HMBOX1: variants seen among roughly 807,000 people sequenced by gnomAD.
The protein encoded by HMBOX1 is homeobox-containing protein 1.
Under a neutral mutation model 54.5 loss-of-function variants are expected in HMBOX1, and 14 were observed. The ratio of observed to expected loss-of-function variants is 0.26; its 90% confidence interval spans 0.17 to 0.40. The LOEUF is 0.40. HMBOX1 is among the 10% of genes least tolerant of loss of function. The probability of loss-of-function intolerance (pLI) is 1.00; values close to 1 mark genes in which losing one functional copy is unlikely to be tolerated. For missense variants in HMBOX1, 332 were observed against 514.4 expected, an observed-to-expected ratio of 0.65 and a Z score of 3.43; for synonymous variants, 160 against 181.0, an observed-to-expected ratio of 0.88 and a Z score of 0.93.
In HMBOX1 at chr8:28,938,644, C is replaced by A. The variant is rs1820805152; in HGVS notation, c.-57-25167C>A. On this transcript the variant is annotated intron_variant, in intron 1 of 9. Coordinates refer to ENST00000287701, the MANE Select transcript of HMBOX1 (RefSeq NM_001135726.3). ...TTTTTTTTTGGTAGAGACAGGGTCT[C>A]GCTATGTTGCTCCAGCTGGTCTTGA... Among the ~76,000 whole-genome samples the A allele has an allele frequency of 2.0e-5, 3 of 151,196 alleles. No individual in the cohort carries two copies. In the South Asian group the frequency reaches 6.3e-4, roughly 32 times the overall value.
intron 4 of HMBOX1, among the ~76,000 whole-genome samples, chr8:29,001,350 G>T (rs1832610465): frequency 6.6e-6 from 1 of 152,166 alleles, no homozygotes; most frequent in Non-Finnish European, 1.5e-5. Context: ...AGGAGTTCAA[G>T]ATCAGCCTGG....
chr8:28,894,030 T>A (rs1250676961), intron 1 of HMBOX1, among the ~76,000 whole-genome samples: 4 of 152,222 alleles, frequency 2.6e-5, no homozygotes, highest in African/African-American at 7.2e-5. Flanking sequence ...TGAACATTTA[T>A]AGATAAACCG....
chr8:28,924,010 A>G (rs1817981194), intron 1 of HMBOX1, among the ~76,000 whole-genome samples: 1 of 151,794 alleles, frequency 6.6e-6, no homozygotes, highest in South Asian at 2.1e-4. Context: ...TATTTTGGAT[A>G]ATCTCGTCTC....
At chr8:29,041,595 G>A (rs1310234800) in intron 6 of HMBOX1, among the ~76,000 whole-genome samples, 1 of 152,108 alleles carries the variant, frequency 6.6e-6, no homozygotes. Flanking sequence ...GAAGTGCGGT[G>A]GGATTCATAG....
At chr8:28,996,349 C>G (rs566604049) in intron 4 of HMBOX1, among the ~76,000 whole-genome samples, 3 of 152,072 alleles carry the variant, frequency 2.0e-5, no homozygotes, top group Non-Finnish European at 4.4e-5. Flanking sequence ...TCTGATAAAT[C>G]GCTTATCAGA....
chr8:28,904,967 G>A (rs958223582), intron 1 of HMBOX1, among the ~76,000 whole-genome samples: 11 of 152,170 alleles, frequency 7.2e-5, no homozygotes, highest in East Asian at 5.8e-4. Flanking sequence ...GAGCTACTGC[G>A]CCCGGCCTCT....
At position 28,963,838 on chromosome 8, in the gene HMBOX1, G is replaced by A; in HGVS notation, c.-30G>A. 6.3e-7 allele frequency: 1 copy of A among 1,575,556 alleles called. No homozygotes were observed. ...TGGTAGATAACGCAGATCATCTCTG[G>A]AAAGGATATTGATCCGCCTCATGTA... On this transcript the variant is annotated 5_prime_UTR_variant, in exon 2 of 10. It introduces an in-frame stop codon into an upstream open reading frame of the 5' UTR. Transcript: ENST00000287701.
intron 1 of HMBOX1, among the ~76,000 whole-genome samples, chr8:28,907,879 T>C (rs1218897062): frequency 6.6e-6 from 1 of 151,754 alleles, no homozygotes; most frequent in Non-Finnish European, 1.5e-5. Flanking sequence ...AAGTTCTCGC[T>C]CTGCTGTCCA....
At chr8:29,006,569 A>G (rs1586431955) in intron 4 of HMBOX1, among the ~76,000 whole-genome samples, 1 of 152,270 alleles carries the variant, frequency 6.6e-6, no homozygotes, top group Admixed American at 6.5e-5. Flanking sequence ...AGCACTTGAT[A>G]TTGATGGCTT....
intron 1 of HMBOX1, among the ~76,000 whole-genome samples, chr8:28,893,160 A>G (rs1015549335): frequency 3.9e-5 from 6 of 152,196 alleles, no homozygotes; most frequent in South Asian, 4.1e-4. Flanking sequence ...AGTGGGATCA[A>G]AATCATTACA....
At chr8:28,915,884 G>C (rs1816450492) in intron 1 of HMBOX1, 1 of 151,892 alleles carries the variant, frequency 6.6e-6, no homozygotes, top group South Asian at 2.1e-4. Flanking sequence ...TTTAATAACA[G>C]GTTTTATTTA....
chr8:29,009,893 G>A, intron 5 of HMBOX1: 1 of 1,120,460 alleles, frequency 8.9e-7, no homozygotes, highest in East Asian at 7.9e-5. Context: ...AAGTGACAGT[G>A]AGCCTGCCCT....
intron 8 of HMBOX1, among the ~76,000 whole-genome samples, chr8:29,048,211 A>G (rs1000664635): frequency 1.3e-5 from 2 of 152,234 alleles, no homozygotes; most frequent in African/African-American, 4.8e-5. Flanking sequence ...AAAGGCAGAG[A>G]TAAAGAGCAT....
At chr8:29,019,063 A>T (rs998685976) in intron 6 of HMBOX1, 150 bp downstream of exon 6, 1 of 629,102 alleles carries the variant, frequency 1.6e-6, no homozygotes, top group African/African-American at 1.8e-5. Context: ...ATGCTGTATT[A>T]TAGAAATAAG....
At chr8:28,897,882 GC>G (rs1321042199) in intron 1 of HMBOX1, among the ~76,000 whole-genome samples, 4 of 152,108 alleles carry the variant, frequency 2.6e-5, no homozygotes, top group Non-Finnish European at 5.9e-5. Context: ...TGTACTTGTT[GC>G]AAGGGAACTA....
chr8:29,008,367 T>G (rs1833760547), intron 4 of HMBOX1, among the ~76,000 whole-genome samples: 1 of 152,194 alleles, frequency 6.6e-6, no homozygotes, highest in Non-Finnish European at 1.5e-5. Flanking sequence ...AAGAGCTTCT[T>G]GGAGATAGCA....
chr8:28,936,602 C>T (rs990048403), intron 1 of HMBOX1, among the ~76,000 whole-genome samples: 2 of 151,802 alleles, frequency 1.3e-5, no homozygotes, highest in Non-Finnish European at 2.9e-5. Flanking sequence ...ACACTTTGAG[C>T]TAACATGAGA....
At chr8:28,973,824 T>TTG (rs1827917560) in intron 3 of HMBOX1, among the ~76,000 whole-genome samples, 4 of 83,230 alleles carry the variant, frequency 4.8e-5, no homozygotes, top group African/African-American at 1.6e-4. Context: ...TTTTTTTTTT[T>TTG]TTTTTTTTTT....
chr8:28,969,990 G>T, intron 2 of HMBOX1, 53 bp from the exon 3 acceptor site: 1 of 1,090,682 alleles, frequency 9.2e-7, no homozygotes, highest in South Asian at 1.5e-5. Context: ...TATAATATGT[G>T]CTTTGGTAGA....
Sources: allele counts gnomAD v4.1 joint callset (sites outside exome capture counted in the v4.1 genomes callset), GRCh38; gene constraint gnomAD v4.1.1; transcripts MANE v1.5; gene names NCBI Gene and HGNC (gene_info 2026-07-23, HGNC 2026-07-21).